CMTR1: variants seen among roughly 807,000 people sequenced by gnomAD.
CMTR1 encodes the protein cap methyltransferase 1, also known as cap-specific mRNA (nucleoside-2'-O-)-methyltransferase 1.
Under a neutral mutation model 107.0 loss-of-function variants are expected in CMTR1, and 39 were observed. The observed-to-expected ratio is 0.36, with a 90% CI of 0.28 to 0.48. The LOEUF (loss-of-function observed/expected upper bound fraction) is 0.48. Among genes scored for constraint, CMTR1 ranks in the 20% least tolerant of loss-of-function variants. CMTR1 has a pLI of 0.99. For synonymous variants in CMTR1, 366 were observed against 379.5 expected (o/e 0.96, Z 0.41); for missense variants, 672 against 1,064.9 (o/e 0.63, Z 5.14).
At position 37,453,324 on chromosome 6, in the gene CMTR1, A is replaced by T; in HGVS notation, c.777+12A>T. 2 of 1,612,968 alleles carry T rather than the reference A, an allele frequency of 1.2e-6. No individual in the cohort carries two copies. On this transcript the variant is annotated intron_variant, in intron 8 of 23. Coordinates refer to ENST00000373451, the MANE Select transcript of CMTR1 (RefSeq NM_015050.3). ...GGGACTCTTATGGGGTGAGAACAAG[A>T]TTCTGCTTCTGAATTCATGGTGCTA...
chr6:37,452,943 C>A, intron 6 of CMTR1, 104 bp from the exon 7 acceptor site: 1 of 962,758 alleles, frequency 1.0e-6, no homozygotes, highest in Non-Finnish European at 1.7e-6. Flanking sequence ...GCTGAGATGC[C>A]ACAGGAATCT....
upstream of CMTR1, among the ~76,000 whole-genome samples, chr6:37,431,993 T>C (rs1771388884): frequency 6.6e-6 from 1 of 152,190 alleles, no homozygotes. Context: ...TTTTTTTGTA[T>C]CTTCAGTAGA....
chr6:37,458,344 C>T lies in CMTR1; in HGVS notation c.778-268C>T, dbSNP rs1039927675. 2.0e-5 allele frequency among the ~76,000 whole-genome samples: 3 copies of T among 152,116 alleles called. No homozygotes were observed. Among genetic ancestry groups the T allele is most frequent in the Non-Finnish European group, 2.9e-5 (2 of 68,020 alleles). ...TGCTGGGATTACAGGCTTGAGCCACCGCGCCTGGCTCCATGAAGATGTTTT... is the reference window on the plus strand; with the variant it reads ...TGCTGGGATTACAGGCTTGAGCCACTGCGCCTGGCTCCATGAAGATGTTTT... On this transcript the variant is annotated intron_variant, in intron 8 of 23. Coordinates refer to ENST00000373451, the MANE Select transcript of CMTR1 (RefSeq NM_015050.3). The surrounding 1 kb of genome is among the most constrained non-coding windows in gnomAD (Gnocchi z 4.7).
intron 11 of CMTR1, 46 bp from the exon 12 acceptor site, chr6:37,461,922 CTT>C (rs1390435297): frequency 6.2e-7 from 1 of 1,606,058 alleles, no homozygotes. Context: ...TCACCCATCT[CTT>C]GGAATAGACC....
At position 37,458,128 on chromosome 6, in the gene CMTR1, C is replaced by T. The variant is rs1761334482; in HGVS notation, c.778-484C>T. 6.6e-6 allele frequency among the ~76,000 whole-genome samples: 1 copy of T among 152,090 alleles called. No homozygotes were observed. On this transcript the variant is annotated intron_variant, in intron 8 of 23. Coordinates refer to ENST00000373451, the MANE Select transcript of CMTR1 (RefSeq NM_015050.3). This position sits in a 1 kb window ranked among gnomAD's most constrained non-coding sequence, Gnocchi z 4.7. Reference sequence around the variant, plus strand: ...CAAGTGCAGTGGCGCGATCTCAGCTCACTGCAACCTCTGCCTCCCGGGTTC... The same window carrying T: ...CAAGTGCAGTGGCGCGATCTCAGCTTACTGCAACCTCTGCCTCCCGGGTTC...
intron 2 of CMTR1, among the ~76,000 whole-genome samples, chr6:37,438,703 T>C (rs1562115804): frequency 6.6e-6 from 1 of 152,220 alleles, no homozygotes; most frequent in Non-Finnish European, 1.5e-5. Flanking sequence ...AAGCTTAAAA[T>C]GCGTCACAGT....
the CMTR1 span, among the ~76,000 whole-genome samples, chr6:37,426,282 G>A: frequency 1.3e-5 from 2 of 151,790 alleles, no homozygotes; most frequent in African/African-American, 4.8e-5. Flanking sequence ...GTCTTTTTCA[G>A]GGACATTTTC....
At chr6:37,475,556 G>A in intron 19 of CMTR1, 144 bp downstream of exon 19, 3 of 687,904 alleles carry the variant, frequency 4.4e-6, no homozygotes, top group Non-Finnish European at 7.5e-6. Flanking sequence ...CCCACTGACT[G>A]GTCCCAAAGT....
At chr6:37,479,335 C>T in intron 23 of CMTR1, 80 bp downstream of exon 23, 1 of 1,012,312 alleles carries the variant, frequency 9.9e-7, no homozygotes, top group African/African-American at 1.6e-5. Flanking sequence ...GTCTTGGGGG[C>T]ACACCCTGGG....
chr6:37,449,224 G>A (rs1228331199), intron 4 of CMTR1, among the ~76,000 whole-genome samples: 1 of 151,868 alleles, frequency 6.6e-6, no homozygotes. Context: ...GGAATTACAG[G>A]TGTGAGCTAC....
At chr6:37,433,074 G>T (rs896243210), upstream of CMTR1, 23 of 152,464 alleles carry the variant, frequency 1.5e-4, no homozygotes, top group African/African-American at 5.3e-4. Flanking sequence ...GCCTTTTCCG[G>T]GCGGCTTTTC....
chr6:37,479,404 G>C (rs955404808), intron 23 of CMTR1, 149 bp downstream of exon 23: 4 of 645,380 alleles, frequency 6.2e-6, no homozygotes, highest in Non-Finnish European at 1.1e-5. Flanking sequence ...AATACTTGTG[G>C]GGATGGCAGC....
upstream of CMTR1, among the ~76,000 whole-genome samples, chr6:37,431,751 A>G (rs1176359526): frequency 6.6e-6 from 1 of 152,210 alleles, no homozygotes; most frequent in Non-Finnish European, 1.5e-5. Flanking sequence ...ACATTAGCCC[A>G]GCAAAGAGGA....
Position 37,458,463 on chromosome 6 carries a change from A to G in CMTR1, c.778-149A>G. On this transcript the variant is annotated intron_variant, in intron 8 of 23. Coordinates refer to ENST00000373451, the MANE Select transcript of CMTR1 (RefSeq NM_015050.3). This position sits in a 1 kb window ranked among gnomAD's most constrained non-coding sequence, Gnocchi z 4.7. ...ACACTAAAGGGTGTTAATCACCAGA[A>G]GATACATTTCCTGGGTGCTGTAGCT... 1 of 692,074 alleles carries G rather than the reference A, an allele frequency of 1.4e-6. No individual in the cohort carries two copies. Among genetic ancestry groups the G allele is most frequent in the Non-Finnish European group, 2.4e-6 (1 of 416,876 alleles). 42.9% of individuals were successfully genotyped at this position (692,074 alleles called of 1,614,324 possible).
Position 37,472,272 on chromosome 6 carries a change from A to G in CMTR1, c.1621-147A>G, listed in dbSNP as rs1581751783. 1.4e-6 allele frequency: 1 copy of G among 711,538 alleles called. No homozygotes were observed. The highest frequency in any genetic ancestry group is 1.7e-5 in the South Asian group (1 of 60,582). 44.1% of individuals were successfully genotyped at this position (711,538 alleles called of 1,614,324 possible). A position where few individuals can be genotyped will look rare whatever the true frequency, so the allele number is the denominator to read the frequency against. ...AAAGGGAGCAGTGAGTGAATTATCCACCTCCATCCCTGTCAGCCTAGCCTC... is the reference window on the plus strand; with the variant it reads ...AAAGGGAGCAGTGAGTGAATTATCCGCCTCCATCCCTGTCAGCCTAGCCTC... On this transcript the variant is annotated intron_variant, in intron 15 of 23. Transcript: ENST00000373451. The surrounding 1 kb of genome is among the most constrained non-coding windows in gnomAD (Gnocchi z 4.1).
chr6:37,471,752 A>C (rs1581751282), intron 14 of CMTR1, 95 bp from the exon 15 acceptor site: 1 of 1,084,912 alleles, frequency 9.2e-7, no homozygotes, highest in East Asian at 2.4e-5. Context: ...ATGTTCATTC[A>C]TTCAGGCCTC....
At chr6:37,451,471 C>T (rs555691447) in intron 5 of CMTR1, among the ~76,000 whole-genome samples, 10 of 152,264 alleles carry the variant, frequency 6.6e-5, no homozygotes, top group South Asian at 6.2e-4. Flanking sequence ...TGAGGCATTC[C>T]CCATCCTTCT....
chr6:37,459,981 A>G (rs1320567874), intron 10 of CMTR1, among the ~76,000 whole-genome samples: 2 of 152,150 alleles, frequency 1.3e-5, no homozygotes, highest in Non-Finnish European at 2.9e-5. Context: ...CACCTAACCA[A>G]AGACGGCAGC....
At chr6:37,436,086 T>A (rs1771523265) in intron 2 of CMTR1, among the ~76,000 whole-genome samples, 1 of 152,234 alleles carries the variant, frequency 6.6e-6, no homozygotes, top group Admixed American at 6.5e-5. Context: ...CCTTAATAGC[T>A]GTTAATTATC....
Sources: gnomAD v4.1 joint callset for allele counts (sites outside exome capture counted in the v4.1 genomes callset) on GRCh38, gnomAD v4.1.1 for gene constraint, Gnocchi (gnomAD v3.1) non-coding constraint, MANE v1.5 for transcripts, NCBI Gene and HGNC (gene_info 2026-07-23, HGNC 2026-07-21) for gene names.